GIGYF2: variants seen among roughly 807,000 people sequenced by gnomAD.
GIGYF2 encodes the protein GRB10 interacting GYF protein 2.
In GIGYF2, 25 loss-of-function variants were observed where a neutral mutation model predicts 208.1. The ratio of observed to expected loss-of-function variants is 0.12; its 90% CI spans 0.09 to 0.17. The LOEUF (loss-of-function observed/expected upper bound fraction) is 0.17, where lower values mean the gene tolerates loss of function less well. GIGYF2 is among the 10% of genes least tolerant of loss of function. GIGYF2 has a pLI of 1.00. For synonymous variants in GIGYF2, 534 were observed against 543.8 expected (o/e 0.98, Z 0.25); for missense variants, 1,302 against 1,579.4 (o/e 0.82, Z 2.98).
chr2:232,855,742 G>A (rs1451129215), intron 28 of GIGYF2, among the ~76,000 whole-genome samples: 1 of 152,064 alleles, frequency 6.6e-6, no homozygotes, highest in Non-Finnish European at 1.5e-5. Context: ...AAAGTTATGT[G>A]GTCAAGTAGT....
intron 1 of GIGYF2, among the ~76,000 whole-genome samples, chr2:232,697,799 C>G (rs1007469754): frequency 6.6e-6 from 1 of 152,224 alleles, no homozygotes; most frequent in Non-Finnish European, 1.5e-5. Flanking sequence ...GCGCCAGACA[C>G]CCGCCCAGTC....
chr2:232,717,275 G>C (rs1210649021), intron 2 of GIGYF2, among the ~76,000 whole-genome samples: 4 of 152,130 alleles, frequency 2.6e-5, no homozygotes, highest in Non-Finnish European at 5.9e-5. Flanking sequence ...GCACAGCCCT[G>C]CACTCTAGCC....
chr2:232,762,970 C>T (rs557314574), intron 8 of GIGYF2, among the ~76,000 whole-genome samples: 1 of 151,774 alleles, frequency 6.6e-6, no homozygotes, highest in African/African-American at 2.4e-5. Context: ...TGCAGTGAGC[C>T]GTGATCACAC....
At chr2:232,854,605 G>T (rs1158450636) in intron 28 of GIGYF2, among the ~76,000 whole-genome samples, 62 of 152,272 alleles carry the variant, frequency 4.1e-4, no homozygotes, top group Non-Finnish European at 7.3e-5. Context: ...TCAAACTCAG[G>T]ATGGGGTTTG....
At chr2:232,772,607 C>T (rs768738304) in intron 8 of GIGYF2, among the ~76,000 whole-genome samples, 4 of 152,124 alleles carry the variant, frequency 2.6e-5, no homozygotes, top group Non-Finnish European at 2.9e-5. Context: ...ATCATCCTTG[C>T]GTATGACAAA....
chr2:232,749,883 T>G (rs930622085), intron 5 of GIGYF2, among the ~76,000 whole-genome samples: 1 of 152,002 alleles, frequency 6.6e-6, no homozygotes. Flanking sequence ...ACTATGAAAT[T>G]TTGAACGACA....
At chr2:232,812,310 A>G in intron 17 of GIGYF2, 81 bp from the exon 18 acceptor site, 1 of 711,154 alleles carries the variant, frequency 1.4e-6, no homozygotes, top group East Asian at 2.7e-5. Context: ...AGAACCTGCT[A>G]ATCTAGAAAT....
chr2:232,767,325 A>G (rs931823826), intron 8 of GIGYF2: 7 of 152,142 alleles, frequency 4.6e-5, no homozygotes, highest in African/African-American at 1.7e-4. Context: ...ATATTTTTGT[A>G]TTTATGAATT....
Position 232,806,226 on chromosome 2 carries a change from G to A in GIGYF2, c.1640-265G>A, listed in dbSNP as rs1182340758. Reference sequence around the variant, plus strand: ...ATCATACTTTACTGACACATGAATTGTTGTAGAGATTGAGATAGAGACAGT... The same window carrying A: ...ATCATACTTTACTGACACATGAATTATTGTAGAGATTGAGATAGAGACAGT... On this transcript the variant is annotated intron_variant, in intron 14 of 28. Coordinates refer to ENST00000373563, the MANE Select transcript of GIGYF2 (RefSeq NM_001103146.3). This position sits in a 1 kb window ranked among gnomAD's most constrained non-coding sequence, Gnocchi z 4.0. Among the ~76,000 whole-genome samples, 1 of 152,164 alleles carries A rather than the reference G, an allele frequency of 6.6e-6. No homozygotes were observed.
At chr2:232,785,011 T>C (rs1699865562) in intron 8 of GIGYF2, among the ~76,000 whole-genome samples, 1 of 152,018 alleles carries the variant, frequency 6.6e-6, no homozygotes, top group Admixed American at 6.6e-5. Flanking sequence ...TCCTGAGGTC[T>C]CACTGGAAGC....
At chr2:232,751,152 G>A (rs988266256) in intron 5 of GIGYF2, among the ~76,000 whole-genome samples, 5 of 151,950 alleles carry the variant, frequency 3.3e-5, no homozygotes, top group African/African-American at 1.2e-4. Context: ...TAAAGTCATT[G>A]ACCATAGCTG....
chr2:232,716,356 A>G (rs1401263196), intron 2 of GIGYF2, among the ~76,000 whole-genome samples: 1 of 149,916 alleles, frequency 6.7e-6, no homozygotes, highest in East Asian at 2.0e-4. Context: ...TTATTTTATC[A>G]AGATAATGGT....
chr2:232,827,714 C>T (rs1390380994), intron 21 of GIGYF2, among the ~76,000 whole-genome samples: 2 of 152,092 alleles, frequency 1.3e-5, no homozygotes, highest in East Asian at 3.9e-4. Flanking sequence ...TATTTTCTGT[C>T]TTCTACTTTG....
chr2:232,841,495 A>G (rs1258693565), intron 23 of GIGYF2, among the ~76,000 whole-genome samples: 1 of 142,778 alleles, frequency 7.0e-6, no homozygotes, highest in Admixed American at 7.1e-5. Context: ...AAGTATTTTT[A>G]GTAGAGACGG....
intron 21 of GIGYF2, among the ~76,000 whole-genome samples, chr2:232,828,180 T>G (rs1177225459): frequency 6.6e-6 from 1 of 152,052 alleles, no homozygotes; most frequent in Non-Finnish European, 1.5e-5. Flanking sequence ...AGACATAGGG[T>G]TTCGCCATGT....
At chr2:232,703,024 C>T (rs529328328) in intron 1 of GIGYF2, among the ~76,000 whole-genome samples, 5 of 152,074 alleles carry the variant, frequency 3.3e-5, no homozygotes, top group Non-Finnish European at 7.4e-5. Context: ...TGGGCTCAAT[C>T]GATCACCTTC....
rs1395681518 is a variant in GIGYF2, at chr2:232,767,989, G to A, written c.532+6553G>A. 8.6e-6 allele frequency: 5 copies of A among 580,774 alleles called. No individual in the cohort carries two copies. The East Asian group carries it at 1.5e-4, about 17-fold the overall frequency. The allele number at this position is 580,774 out of a possible 1,614,324, so 36.0% of individuals were successfully genotyped here. On this transcript the variant is annotated intron_variant, in intron 8 of 28. Coordinates refer to ENST00000373563, the MANE Select transcript of GIGYF2 (RefSeq NM_001103146.3). Reference sequence around the variant, plus strand: ...AAGTTGAGTTACATTGATTTCAGCAGGTAACAAACTTTGTAATGTAGAGTG... The same window carrying A: ...AAGTTGAGTTACATTGATTTCAGCAAGTAACAAACTTTGTAATGTAGAGTG...
At chr2:232,824,161 T>C (rs1701180194) in intron 21 of GIGYF2, among the ~76,000 whole-genome samples, 1 of 151,662 alleles carries the variant, frequency 6.6e-6, no homozygotes, top group Non-Finnish European at 1.5e-5. Flanking sequence ...GACACATCAT[T>C]ATGGAAATTA....
rs373559867 is a variant in GIGYF2, at chr2:232,811,971, A to AGAG, written c.2007-418_2007-416dup. 1.5e-4 allele frequency among the ~76,000 whole-genome samples: 23 copies of AGAG among 152,344 alleles called. 1 individual carries two copies. Among genetic ancestry groups the AGAG allele is most frequent in the African/African-American group, 5.5e-4 (23 of 41,580 alleles). Reference sequence around the variant, plus strand: ...TATGGATGGGCAAACTGGGACTCTGAGAGGCTGTAGGACTTGATTAATGTA... The same window carrying AGAG: ...TATGGATGGGCAAACTGGGACTCTGAGAGGAGGCTGTAGGACTTGATTAATGTA... On this transcript the variant is annotated intron_variant, in intron 17 of 28. Transcript: ENST00000373563.
Sources: allele counts gnomAD v4.1 joint callset (sites outside exome capture counted in the v4.1 genomes callset), GRCh38; gene constraint gnomAD v4.1.1; non-coding constraint Gnocchi (gnomAD v3.1); transcripts MANE v1.5; gene names NCBI Gene and HGNC (gene_info 2026-07-23, HGNC 2026-07-21).